The following SLC8A3 variants were observed in gnomAD, a reference collection of about 807,000 sequenced individuals.
The protein encoded by SLC8A3 is solute carrier family 8 member A3.
Under a neutral mutation model 65.4 loss-of-function variants are expected in SLC8A3, and 37 were observed. The observed-to-expected ratio is 0.57, with a 90% confidence interval of 0.44 to 0.74. The LOEUF (loss-of-function observed/expected upper bound fraction) is 0.74. Ranked by LOEUF, SLC8A3 falls within the 30% of genes least tolerant of loss-of-function variation. SLC8A3 has a pLI of 0.00. For synonymous variants in SLC8A3, 461 were observed against 444.5 expected (o/e 1.04, Z -0.47); for missense variants, 1,112 against 1,172.1 (o/e 0.95, Z 0.75).
At chr14:70,114,093 G>A (rs909337115) in intron 2 of SLC8A3, among the ~76,000 whole-genome samples, 4 of 152,174 alleles carry the variant, frequency 2.6e-5, no homozygotes, top group African/African-American at 7.2e-5. Flanking sequence ...TAAAGCCCCA[G>A]GTTATTGGAT....
chr14:70,082,987 G>A (rs1891165244), intron 2 of SLC8A3, among the ~76,000 whole-genome samples: 1 of 152,106 alleles, frequency 6.6e-6, no homozygotes, highest in Admixed American at 6.6e-5. Flanking sequence ...AGGGAGAGGA[G>A]GGAAACAGGG....
chr14:70,161,040 C>T (rs1033184982), intron 2 of SLC8A3, among the ~76,000 whole-genome samples: 3 of 148,136 alleles, frequency 2.0e-5, no homozygotes, highest in East Asian at 2.0e-4. Flanking sequence ...GTCAGGAGAT[C>T]GAGACCATAC....
chr14:70,057,209 T>A (rs1181558845), intron 3 of SLC8A3, among the ~76,000 whole-genome samples: 1 of 152,200 alleles, frequency 6.6e-6, no homozygotes, highest in Admixed American at 6.5e-5. Context: ...CTTTTTTAGG[T>A]ATCTCCCATG....
At chr14:70,069,478 C>T (rs1889800169) in intron 2 of SLC8A3, among the ~76,000 whole-genome samples, 1 of 152,226 alleles carries the variant, frequency 6.6e-6, no homozygotes, top group Admixed American at 6.5e-5. Flanking sequence ...CACAGAGCTT[C>T]CTTGACCTGG....
chr14:70,153,113 G>T (rs1178036266), intron 2 of SLC8A3, among the ~76,000 whole-genome samples: 1 of 152,136 alleles, frequency 6.6e-6, no homozygotes, highest in Non-Finnish European at 1.5e-5. Flanking sequence ...ATGCAAAATG[G>T]TGGGTGCTCC....
intron 2 of SLC8A3, among the ~76,000 whole-genome samples, chr14:70,075,321 GAACT>G (rs1456872579): frequency 1.3e-5 from 2 of 152,064 alleles, no homozygotes; most frequent in Admixed American, 1.3e-4. Context: ...CTCACCAGAG[GAACT>G]ATCTGCCCTT....
At chr14:70,148,505 A>G (rs574749739) in intron 2 of SLC8A3, among the ~76,000 whole-genome samples, 1 of 152,172 alleles carries the variant, frequency 6.6e-6, no homozygotes, top group Non-Finnish European at 1.5e-5. Context: ...ACACAAAGGA[A>G]GTCTCTTCAG....
At chr14:70,135,021 A>G (rs1393004273) in intron 2 of SLC8A3, among the ~76,000 whole-genome samples, 1 of 152,232 alleles carries the variant, frequency 6.6e-6, no homozygotes, top group East Asian at 1.9e-4. Flanking sequence ...CAGAATATAT[A>G]AGAAACTCGA....
chr14:70,154,674 C>A (rs1477351086), intron 2 of SLC8A3, among the ~76,000 whole-genome samples: 1 of 152,166 alleles, frequency 6.6e-6, no homozygotes, highest in Non-Finnish European at 1.5e-5. Context: ...CTTCTTATTG[C>A]ACTTTTTCAA....
At chr14:70,084,690 T>C (rs1891297551) in intron 2 of SLC8A3, among the ~76,000 whole-genome samples, 1 of 152,228 alleles carries the variant, frequency 6.6e-6, no homozygotes, top group South Asian at 2.1e-4. Flanking sequence ...CTGGAATTGC[T>C]ATATGCCTAA....
intron 3 of SLC8A3, chr14:70,060,071 T>C (rs1043520200): frequency 1.3e-5 from 2 of 152,422 alleles, no homozygotes; most frequent in African/African-American, 4.8e-5. Context: ...ATTGCATGAT[T>C]ACCCCAGAAG....
chr14:70,063,411 G>A (rs1889040771), intron 2 of SLC8A3, among the ~76,000 whole-genome samples: 1 of 152,208 alleles, frequency 6.6e-6, no homozygotes, highest in Admixed American at 6.5e-5. Context: ...CTGAAAGCCT[G>A]TTTCTCAGTG....
At chr14:70,100,888 C>G (rs536134985) in intron 2 of SLC8A3, among the ~76,000 whole-genome samples, 1 of 152,198 alleles carries the variant, frequency 6.6e-6, no homozygotes, top group African/African-American at 2.4e-5. Context: ...TTCTGTGTCT[C>G]ACAATCTTTA....
intron 2 of SLC8A3, chr14:70,063,849 CG>C: frequency 1.2e-6 from 2 of 1,607,868 alleles, no homozygotes; most frequent in East Asian, 2.2e-5. Flanking sequence ...ATCCACCATG[CG>C]GGGGCCCATC....
At chr14:70,159,728 A>T (rs746008562) in intron 2 of SLC8A3, among the ~76,000 whole-genome samples, 1 of 152,176 alleles carries the variant, frequency 6.6e-6, no homozygotes, top group Non-Finnish European at 1.5e-5. Context: ...CCATGGCAGG[A>T]TCCCCACCTG....
chr14:70,152,535 T>A (rs1896334762), intron 2 of SLC8A3, among the ~76,000 whole-genome samples: 1 of 152,020 alleles, frequency 6.6e-6, no homozygotes, highest in Non-Finnish European at 1.5e-5. Context: ...AGTCTTTTTT[T>A]TTTTCCCTCT....
In SLC8A3 at chr14:70,118,098, C is replaced by T. The variant is rs74799455; in HGVS notation, c.1784+48541G>A. The stretch of plus-strand genomic sequence containing the variant: ...GTCATCTCCATGTCTGTGCATCTTA[C>T]CACACCTGATTAAAATAAATTCCAG... On this transcript the variant is annotated intron_variant, in intron 2 of 6. Coordinates refer to ENST00000356921, the MANE Select transcript of SLC8A3 (RefSeq NM_182932.3). Among the ~76,000 whole-genome samples, 3,328 of 152,258 alleles carry T rather than the reference C, an allele frequency of 0.022. 384 individuals are homozygous for T. The East Asian group carries it at 0.37, about 17-fold the overall frequency.
chr14:70,109,453 GTATA>G (rs3078221), intron 2 of SLC8A3, among the ~76,000 whole-genome samples: 70 of 146,128 alleles, frequency 4.8e-4, no homozygotes, highest in Admixed American at 6.2e-4. Context: ...GTACGTGTGT[GTATA>G]TATATATATA....
chr14:70,143,053 G>A (rs763712276), intron 2 of SLC8A3, among the ~76,000 whole-genome samples: 4 of 152,180 alleles, frequency 2.6e-5, no homozygotes, highest in African/African-American at 4.8e-5. Context: ...CCCTGTGGGG[G>A]CTCATTCTTC....
Sources: gnomAD v4.1 joint callset for allele counts (sites outside exome capture counted in the v4.1 genomes callset) on GRCh38, gnomAD v4.1.1 for gene constraint, MANE v1.5 for transcripts, NCBI Gene and HGNC (gene_info 2026-07-23, HGNC 2026-07-21) for gene names.